The following GUCY1A2 variants were observed in gnomAD, a reference collection of about 807,000 sequenced individuals.
GUCY1A2 encodes guanylate cyclase soluble subunit alpha-2.
In GUCY1A2, 27 loss-of-function variants were observed where a neutral mutation model predicts 63.5. The observed-to-expected ratio is 0.43, with a 90% CI of 0.31 to 0.59. GUCY1A2 has a LOEUF of 0.59. GUCY1A2 is among the 20% of genes least tolerant of loss of function. The probability of loss-of-function intolerance (pLI) is 0.11; values close to 1 mark genes in which losing one functional copy is unlikely to be tolerated. For missense variants in GUCY1A2, 768 were observed against 913.3 expected, an observed-to-expected ratio of 0.84 and a Z score of 2.05; for synonymous variants, 364 against 343.5, an observed-to-expected ratio of 1.06 and a Z score of -0.66.
rs527456487 is a variant in GUCY1A2 at position 106,738,937 on chromosome 11, A to T, written c.1837-30271T>A. 2.6e-5 allele frequency among the ~76,000 whole-genome samples: 4 copies of T among 152,220 alleles called. No individual in the cohort carries two copies. The South Asian group carries it at 8.3e-4, about 32-fold the overall frequency. ...TTTTCTAATTCTGTGAAGAAAGTCA[A>T]TGGTAACTTGATGGGGATAGCATTG... On this transcript the variant is annotated intron_variant, in intron 6 of 7. Transcript: ENST00000526355.
At chr11:106,996,426 C>T (rs1237795804) in intron 1 of GUCY1A2, among the ~76,000 whole-genome samples, 1 of 152,174 alleles carries the variant, frequency 6.6e-6, no homozygotes, top group African/African-American at 2.4e-5. Flanking sequence ...GCAAGGCCTT[C>T]CCTACAGCTG....
chr11:106,693,519 C>T (rs1314376423), intron 7 of GUCY1A2, among the ~76,000 whole-genome samples: 1 of 152,084 alleles, frequency 6.6e-6, no homozygotes, highest in Non-Finnish European at 1.5e-5. Context: ...TTTGACGTAG[C>T]AAACTATGTC....
At chr11:106,851,776 C>A (rs1035458060) in intron 4 of GUCY1A2, among the ~76,000 whole-genome samples, 2 of 151,794 alleles carry the variant, frequency 1.3e-5, no homozygotes, top group African/African-American at 4.8e-5. Context: ...CACACCACGC[C>A]AGGTGGTGTG....
chr11:106,729,793 T>C (rs777836615), intron 6 of GUCY1A2, among the ~76,000 whole-genome samples: 36 of 152,000 alleles, frequency 2.4e-4, no homozygotes, highest in Middle Eastern at 3.2e-3. Context: ...TTTGGAATAA[T>C]TTCCCCTCTA....
Position 106,990,277 on chromosome 11 carries a change from G to T in GUCY1A2, c.304-4146C>A, listed in dbSNP as rs558429312. Reference sequence around the variant, plus strand: ...ACCCAAAAGCCTCCATCATATGGCGGCAAAAAGCCATCTTCATCTCTAGTC... The same window carrying T: ...ACCCAAAAGCCTCCATCATATGGCGTCAAAAAGCCATCTTCATCTCTAGTC... On this transcript the variant is annotated intron_variant, in intron 1 of 7. Transcript: ENST00000526355. Among the ~76,000 whole-genome samples, 29 of 152,244 alleles carry T rather than the reference G, an allele frequency of 1.9e-4. No individual in the cohort carries two copies. In the South Asian group the frequency reaches 5.8e-3, roughly 30 times the overall value.
chr11:106,767,156 G>C (rs1002429638), intron 6 of GUCY1A2, among the ~76,000 whole-genome samples: 2 of 152,058 alleles, frequency 1.3e-5, no homozygotes, highest in African/African-American at 4.8e-5. Context: ...ACATGAAATA[G>C]ATTATAACTT....
At chr11:106,994,483 T>G (rs894305823) in intron 1 of GUCY1A2, among the ~76,000 whole-genome samples, 5 of 152,236 alleles carry the variant, frequency 3.3e-5, no homozygotes, top group Non-Finnish European at 7.3e-5. Context: ...CAAGGATGTC[T>G]GATGTTTTCA....
chr11:106,969,579 A>AC (rs1311188191), intron 3 of GUCY1A2, among the ~76,000 whole-genome samples: 2 of 152,122 alleles, frequency 1.3e-5, no homozygotes, highest in Non-Finnish European at 2.9e-5. Flanking sequence ...ACAAAAAAAA[A>AC]CAGTATTTCA....
At chr11:106,827,679 G>A (rs1432557535) in intron 4 of GUCY1A2, 1 of 1,548,172 alleles carries the variant, frequency 6.5e-7, no homozygotes, top group African/African-American at 1.4e-5. Context: ...TTCTAACATG[G>A]TACTTGATTG....
chr11:106,826,807 G>A, intron 4 of GUCY1A2: 3 of 1,609,494 alleles, frequency 1.9e-6, no homozygotes, highest in Non-Finnish European at 2.5e-6. Context: ...CAGCTGCCAG[G>A]ATGTAGTACA....
At chr11:106,752,594 G>A (rs1488112230) in intron 6 of GUCY1A2, among the ~76,000 whole-genome samples, 2 of 151,688 alleles carry the variant, frequency 1.3e-5, no homozygotes, top group Non-Finnish European at 2.9e-5. Flanking sequence ...TCCCACTTAT[G>A]AGTGAGAATA....
At chr11:106,972,059 T>C (rs1320090865) in intron 3 of GUCY1A2, among the ~76,000 whole-genome samples, 1 of 152,036 alleles carries the variant, frequency 6.6e-6, no homozygotes, top group African/African-American at 2.4e-5. Context: ...ACTTGAAAAC[T>C]GTCAAGGTCA....
At chr11:106,936,732 G>A (rs1207284344) in intron 4 of GUCY1A2, 2 of 1,420,570 alleles carry the variant, frequency 1.4e-6, no homozygotes, top group African/African-American at 1.4e-5. Context: ...TTTTTTTTAT[G>A]GCAGACGTAG....
intron 3 of GUCY1A2, among the ~76,000 whole-genome samples, chr11:106,954,835 G>GT (rs963851330): frequency 6.6e-6 from 1 of 151,754 alleles, no homozygotes; most frequent in Admixed American, 6.6e-5. Context: ...CTGCTTTCTT[G>GT]TTTTTTTCTT....
rs117280834 is a variant in GUCY1A2 at position 106,698,189 on chromosome 11, G to A, written c.1991+10323C>T. ...AGCTGGAGTGCAGTGGTGTGATCAC[G>A]GCTTATAGCAGCCTCCATCTCCTAG... On this transcript the variant is annotated intron_variant, in intron 7 of 7. Coordinates refer to ENST00000526355, the MANE Select transcript of GUCY1A2 (RefSeq NM_000855.3). 6.6e-3 allele frequency among the ~76,000 whole-genome samples: 931 copies of A among 140,072 alleles called. 29 individuals carry two copies. The East Asian group carries it at 0.068, about 10-fold the overall frequency. The allele number at this position is 140,072 out of a possible 152,430, so 91.9% of individuals were successfully genotyped here.
intron 4 of GUCY1A2, among the ~76,000 whole-genome samples, chr11:106,813,286 T>A (rs1285729866): frequency 6.6e-6 from 1 of 152,038 alleles, no homozygotes; most frequent in Non-Finnish European, 1.5e-5. Flanking sequence ...CTCTGAGCTA[T>A]AGTAAAGGGT....
intron 4 of GUCY1A2, among the ~76,000 whole-genome samples, chr11:106,870,232 T>A (rs1859658364): frequency 6.6e-6 from 1 of 152,020 alleles, no homozygotes; most frequent in Admixed American, 6.6e-5. Flanking sequence ...TGTGCACATG[T>A]ACCCTAGAAC....
chr11:106,936,739 G>C lies in GUCY1A2; in HGVS notation c.1206+2721C>G, dbSNP rs184551613. The C allele has an allele frequency of 2.9e-6, 4 of 1,400,500 alleles. No homozygotes were observed. In the Admixed American group the frequency reaches 5.9e-5, roughly 21 times the overall value. 86.8% of individuals were successfully genotyped at this position (1,400,500 alleles called of 1,614,324 possible). On this transcript the variant is annotated intron_variant, in intron 4 of 7. Coordinates refer to ENST00000526355, the MANE Select transcript of GUCY1A2 (RefSeq NM_000855.3). Reference sequence around the variant, plus strand: ...TTGATTTTTTTTTTTTATGGCAGACGTAGTGGTTCATTGGTATTAAATGCA... The same window carrying C: ...TTGATTTTTTTTTTTTATGGCAGACCTAGTGGTTCATTGGTATTAAATGCA...
chr11:107,009,185 C>T (rs1861710991), intron 1 of GUCY1A2, among the ~76,000 whole-genome samples: 1 of 152,176 alleles, frequency 6.6e-6, no homozygotes, highest in African/African-American at 2.4e-5. Context: ...GATTAGGAAG[C>T]ATTAATGTTA....
Sources: allele counts gnomAD v4.1 joint callset (sites outside exome capture counted in the v4.1 genomes callset), GRCh38; gene constraint gnomAD v4.1.1; transcripts MANE v1.5; gene names NCBI Gene and HGNC (gene_info 2026-07-23, HGNC 2026-07-21).